Variants in FLNC observed in about 807,000 individuals in gnomAD.
FLNC encodes the protein filamin-C.
In FLNC, 91 loss-of-function variants were observed where a neutral mutation model predicts 254.3. The observed-to-expected ratio is 0.36, with a 90% CI of 0.30 to 0.43. FLNC has a LOEUF of 0.43. Ranked by LOEUF, FLNC falls within the 20% of genes least tolerant of loss-of-function variation. The pLI, the probability that FLNC is intolerant of heterozygous loss-of-function variation, is 1.00. For missense variants in FLNC, 2,853 were observed against 3,802.6 expected (o/e 0.75, Z 6.57); for synonymous variants, 1,430 against 1,577.2 (o/e 0.91, Z 2.21).
At position 128,844,706 on chromosome 7, in the gene FLNC, G is replaced by T. The variant is rs781760817; in HGVS notation, c.3241G>T (p.Ala1081Ser). 61 of 1,613,624 alleles carry T rather than the reference G, an allele frequency of 3.8e-5. No homozygotes were observed. The South Asian group carries it at 6.5e-4, about 17-fold the overall frequency. ...CAAGGGTGGACTGGTAGGCACCCCCGCGCCATTCTCCATCGACACCAAGGG... is the reference window on the plus strand; with the variant it reads ...CAAGGGTGGACTGGTAGGCACCCCCTCGCCATTCTCCATCGACACCAAGGG... ...GLKGGLVGTPAPFSIDTKGAG... is the reference protein window; with the variant it reads ...GLKGGLVGTPSPFSIDTKGAG... Residue 1081 changes from alanine (A) to serine (S), a missense_variant, in exon 21 of 48, where the codon GCG becomes TCG. Ala to Ser is a moderately conservative substitution (Grantham distance 99). Transcript: ENST00000325888.
At chr7:128,844,571 G>T in intron 20 of FLNC, 87 bp from the exon 21 acceptor site, 2 of 1,241,812 alleles carry the variant, frequency 1.6e-6, no homozygotes, top group Non-Finnish European at 1.2e-6. Context: ...AGCAGCCACA[G>T]TTGGAGGTGA....
intron 23 of FLNC, 62 bp downstream of exon 23, chr7:128,846,525 C>A: frequency 1.3e-6 from 2 of 1,577,186 alleles, no homozygotes; most frequent in Admixed American, 1.7e-5. Flanking sequence ...TGGCCCTCCT[C>A]GCTCATCCCT....
chr7:128,845,105 A>G lies in FLNC; in HGVS notation c.3640A>G (p.Ile1214Val), dbSNP rs776953188. ...CAACAACGCGGATGGCACCTACCAC[A>G]TCACCTACAGCCCTGCCTTCCCTGG... is the stretch of plus-strand genomic sequence containing the variant. ...IHNNADGTYHITYSPAFPGTY... is the reference protein window; with the variant it reads ...IHNNADGTYHVTYSPAFPGTY... The change falls in exon 21 of 48, where the codon ATC (isoleucine) becomes GTC (valine). Residue 1214 changes from isoleucine to valine, a missense_variant. Around this residue, in one of 10 missense-constraint regions of FLNC, gnomAD observed 1,573 missense variants for 1,883.5 expected, o/e 0.84. Coordinates refer to ENST00000325888, the MANE Select transcript of FLNC (RefSeq NM_001458.5). 2 of 1,613,678 alleles carry G rather than the reference A, an allele frequency of 1.2e-6. No homozygotes were observed.
rs374930095 is a variant in FLNC, at chr7:128,842,746, C to T, written c.2389+48C>T. The T allele has an allele frequency of 9.1e-5, 146 of 1,599,042 alleles. 1 individual carries two copies. The East Asian group carries it at 1.7e-3, about 19-fold the overall frequency. ...GGTCTGGGAGGGGGCGGGGGTGAGT[C>T]GAGTCGGGGGCTGAGCCCAACTCAC... is the stretch of plus-strand genomic sequence containing the variant. On this transcript the variant is annotated intron_variant, in intron 15 of 47. Transcript: ENST00000325888. This position sits in a 1 kb window ranked among gnomAD's most constrained non-coding sequence, Gnocchi z 5.4.
At position 128,857,947 on chromosome 7, in the gene FLNC, G is replaced by C; in HGVS notation, c.7781-61G>C. On this transcript the variant is annotated intron_variant, in intron 46 of 47. Coordinates refer to ENST00000325888, the MANE Select transcript of FLNC (RefSeq NM_001458.5). This position sits in a 1 kb window ranked among gnomAD's most constrained non-coding sequence, Gnocchi z 4.5. ...TGGCAGTGCTGGCCGAGGGTCCCCT[G>C]CCTGGGGAAGAACAGGAAGCCCTTC... 1.6e-6 allele frequency: 2 copies of C among 1,279,124 alleles called. No homozygotes were observed. The highest frequency in any genetic ancestry group is 2.2e-6 in the Non-Finnish European group (2 of 897,232). The allele number at this position is 1,279,124 out of a possible 1,614,324, so 79.2% of individuals were successfully genotyped here.
intron 1 of FLNC, among the ~76,000 whole-genome samples, chr7:128,834,095 G>C (rs1190780193): frequency 2.6e-5 from 4 of 152,138 alleles, no homozygotes; most frequent in Non-Finnish European, 4.4e-5. Flanking sequence ...TAAGGGGAAG[G>C]CTCCACTCCA....
At position 128,848,790 on chromosome 7, in the gene FLNC, C is replaced by T; in HGVS notation, c.4738-3C>T. The T allele has an allele frequency of 6.2e-7, 1 of 1,614,182 alleles. No individual in the cohort carries two copies. Among genetic ancestry groups the T allele is most frequent in the Non-Finnish European group, 8.5e-7 (1 of 1,180,020 alleles). Reference sequence around the variant, plus strand: ...CGGGCCTTGACCTCTGCTTCTCCCTCAGGACCCCGAGGGTAAGCCCAAGAA... The same window carrying T: ...CGGGCCTTGACCTCTGCTTCTCCCTTAGGACCCCGAGGGTAAGCCCAAGAA... On this transcript the variant is annotated splice_polypyrimidine_tract_variant and splice_region_variant and intron_variant, in intron 27 of 47. Transcript: ENST00000325888.
At chr7:128,847,232 C>A (rs993261754) in intron 24 of FLNC, among the ~76,000 whole-genome samples, 2 of 152,258 alleles carry the variant, frequency 1.3e-5, no homozygotes, top group African/African-American at 4.8e-5. Flanking sequence ...GCGGCTCAGG[C>A]CAGCCTTGGG....
intron 37 of FLNC, 138 bp downstream of exon 37, chr7:128,853,169 T>C (rs1808896943): frequency 2.1e-6 from 2 of 937,138 alleles, no homozygotes; most frequent in Non-Finnish European, 3.4e-6. Flanking sequence ...ATTCGCATTC[T>C]GGGGCCCCTT....
In FLNC at chr7:128,830,667, C is replaced by A. The variant is rs764501806; in HGVS notation, c.30C>A (p.Ala10=). Residue 10 remains alanine (A), a synonymous_variant, in exon 1 of 48, where the codon GCC becomes GCA. Transcript: ENST00000325888. MMNNSGYSD[A]GLGLGDETDE... The stretch of plus-strand genomic sequence containing the variant: ...TGAACAACAGCGGCTACTCAGACGC[C>A]GGCCTCGGCCTGGGCGATGAGACAG... 1 of 1,612,506 alleles carries A rather than the reference C, an allele frequency of 6.2e-7. No homozygotes were observed. The highest frequency in any genetic ancestry group is 1.7e-5 in the Admixed American group (1 of 60,014).
intron 39 of FLNC, 40 bp from the exon 40 acceptor site, chr7:128,853,934 C>T: frequency 1.2e-6 from 2 of 1,613,256 alleles, no homozygotes; most frequent in Non-Finnish European, 1.7e-6. Context: ...TTCCTCACCC[C>T]TCGCTTCCCT....
rs1006126992 is a variant in FLNC at position 128,842,297 on chromosome 7, T to C, written c.2188T>C (p.Tyr730His). The C allele has an allele frequency of 1.2e-6, 2 of 1,613,872 alleles. No individual in the cohort carries two copies. The highest frequency in any genetic ancestry group is 3.3e-5 in the Admixed American group (2 of 60,032). ...PNGDGTFRCS[Y>H]VPTKPIKHTI... Reference sequence around the variant, plus strand: ...CGGCGACGGCACCTTCCGCTGCTCCTACGTGCCCACCAAGCCCATTAAGCA... The same window carrying C: ...CGGCGACGGCACCTTCCGCTGCTCCCACGTGCCCACCAAGCCCATTAAGCA... Residue 730 changes from tyrosine to histidine, a missense_variant, in exon 14 of 48, where the codon TAC (tyrosine) becomes CAC (histidine). This residue lies in a region of FLNC where 1,573 missense variants were observed against 1,883.5 expected (regional missense o/e 0.84). Transcript: ENST00000325888. The surrounding 1 kb of genome is among the most constrained non-coding windows in gnomAD (Gnocchi z 5.4).
rs1246791424 is a variant in FLNC at position 128,857,216 on chromosome 7, G to C, written c.7660G>C (p.Glu2554Gln). The change falls in exon 46 of 48, where the codon GAG becomes CAG. Residue 2554 changes from glutamate (E) to glutamine (Q), a missense_variant. Glu to Gln is a conservative substitution (Grantham distance 29). Around this residue, in one of 10 missense-constraint regions of FLNC, gnomAD observed 197 missense variants for 351.5 expected, o/e 0.56. Coordinates refer to ENST00000325888, the MANE Select transcript of FLNC (RefSeq NM_001458.5). The surrounding 1 kb of genome is among the most constrained non-coding windows in gnomAD (Gnocchi z 4.5). ...CTCCAAGGTGCAGCTGGACTGTCGG[G>C]AGTGTCCTGAGGGCCATGTGGTCAC... ...GPSKVQLDCR[E>Q]CPEGHVVTYT... 1 of 1,614,118 alleles carries C rather than the reference G, an allele frequency of 6.2e-7. No homozygotes were observed.
In FLNC at chr7:128,846,250, G is replaced by T. The variant is rs1041692927; in HGVS notation, c.3965-51G>T. The T allele has an allele frequency of 3.7e-6, 6 of 1,606,220 alleles. No individual in the cohort carries two copies. In the East Asian group the frequency reaches 1.4e-4, roughly 36 times the overall value. On this transcript the variant is annotated intron_variant, in intron 22 of 47. Coordinates refer to ENST00000325888, the MANE Select transcript of FLNC (RefSeq NM_001458.5). ...ATGATATTGCCCTCGGGGCAGGAGG[G>T]GTGGTGGGGGCGCACACTCCCTGAT...
At position 128,841,475 on chromosome 7, in the gene FLNC, C is replaced by G. The variant is rs754331955; in HGVS notation, c.2029C>G (p.Leu677Val). ...PDKVKAFGPG[L>V]EPTGCIVDKP... ...ACAGGTGAAGGCCTTTGGGCCTGGC[C>G]TGGAGCCTACCGGCTGCATCGTGGA... Residue 677 changes from leucine (L) to valine (V), a missense_variant, in exon 13 of 48, where the codon CTG (leucine) becomes GTG (valine). This residue lies in a region of FLNC where 1,573 missense variants were observed against 1,883.5 expected (regional missense o/e 0.84). Coordinates refer to ENST00000325888, the MANE Select transcript of FLNC (RefSeq NM_001458.5). The surrounding 1 kb of genome is among the most constrained non-coding windows in gnomAD (Gnocchi z 4.3). The G allele has an allele frequency of 3.1e-6, 5 of 1,614,044 alleles. No homozygotes were observed. In the Admixed American group the frequency reaches 8.3e-5, roughly 27 times the overall value.
chr7:128,843,691 C>T (rs1446118007), intron 18 of FLNC, 105 bp from the exon 19 acceptor site: 8 of 1,481,354 alleles, frequency 5.4e-6, no homozygotes, highest in Admixed American at 1.7e-5. Flanking sequence ...CTGCCTCCTG[C>T]CCTCACTCTC....
chr7:128,853,069 G>A, intron 37 of FLNC, 38 bp downstream of exon 37: 1 of 1,586,982 alleles, frequency 6.3e-7, no homozygotes, highest in Non-Finnish European at 8.6e-7. Context: ...TCCAGCGGGT[G>A]CCTCCCACAG....
At position 128,843,324 on chromosome 7, in the gene FLNC, G is replaced by C. The variant is rs2128935942; in HGVS notation, c.2641+5G>C. On this transcript the variant is annotated splice_donor_5th_base_variant and intron_variant, in intron 17 of 47. Coordinates refer to ENST00000325888, the MANE Select transcript of FLNC (RefSeq NM_001458.5). ...GCCCTGGGCTGAATCGCACAGGTGA[G>C]TGTCTGGGCAGGGGCTGGGACTGGC... 1 of 1,613,212 alleles carries C rather than the reference G, an allele frequency of 6.2e-7. No individual in the cohort carries two copies. The highest frequency in any genetic ancestry group is 8.5e-7 in the Non-Finnish European group (1 of 1,179,642).
At position 128,835,774 on chromosome 7, in the gene FLNC, C is replaced by T. The variant is rs527505243; in HGVS notation, c.601+200C>T. Among the ~76,000 whole-genome samples, 8 of 152,208 alleles carry T rather than the reference C, an allele frequency of 5.3e-5. No homozygotes were observed. The highest frequency in any genetic ancestry group is 2.1e-4 in the South Asian group (1 of 4,806). ...CCTACCTGATGAGTGTGCCAGATTC[C>T]GCAGAGGCAGGAAGAGGTTTAAAAC... On this transcript the variant is annotated intron_variant, in intron 2 of 47. Transcript: ENST00000325888. The surrounding 1 kb of genome is among the most constrained non-coding windows in gnomAD (Gnocchi z 5.3).
Sources: gnomAD v4.1 joint callset for allele counts (sites outside exome capture counted in the v4.1 genomes callset) on GRCh38, gnomAD v4.1.1 for gene constraint, gnomAD v4.1.1 regional missense constraint, Gnocchi (gnomAD v3.1) non-coding constraint, MANE v1.5 for transcripts, NCBI Gene and HGNC (gene_info 2026-07-23, HGNC 2026-07-21) for gene names.